CAPZA1: variants seen among roughly 807,000 people sequenced by gnomAD.
CAPZA1 encodes F-actin-capping protein subunit alpha-1.
Under a neutral mutation model 40.8 loss-of-function variants are expected in CAPZA1, and 10 were observed. The ratio of observed to expected loss-of-function variants is 0.25; its 90% CI spans 0.15 to 0.42. The LOEUF (loss-of-function observed/expected upper bound fraction) is 0.42. Among genes scored for constraint, CAPZA1 ranks in the 10% least tolerant of loss-of-function variants. The pLI is 1.00. For synonymous variants in CAPZA1, 98 were observed against 115.0 expected (o/e 0.85, Z 0.95); for missense variants, 277 against 353.8 (o/e 0.78, Z 1.74).
rs1671341853 is a variant in CAPZA1, at chr1:112,649,332, C to T, written c.104-86C>T. 4 of 958,286 alleles carry T rather than the reference C, an allele frequency of 4.2e-6. No individual in the cohort carries two copies. In the East Asian group the frequency reaches 9.6e-5, roughly 23 times the overall value. 59.4% of individuals were successfully genotyped at this position (958,286 alleles called of 1,614,324 possible). ...CACCTGAAGACTAATTTTACAAAGC[C>T]TGACATTTAAAAATTCAATCTAGAA... On this transcript the variant is annotated intron_variant, in intron 2 of 9. Coordinates refer to ENST00000263168, the MANE Select transcript of CAPZA1 (RefSeq NM_006135.3).
In CAPZA1 at chr1:112,642,753, G is replaced by A. The variant is rs916773546; in HGVS notation, c.40-4457G>A. ...AGTTCATCTTCTATCGAAACAAACT[G>A]CTGTTCTTTCATTTGTACCAATTCC... On this transcript the variant is annotated intron_variant, in intron 1 of 9. Coordinates refer to ENST00000263168, the MANE Select transcript of CAPZA1 (RefSeq NM_006135.3). Among the ~76,000 whole-genome samples the A allele has an allele frequency of 3.9e-5, 6 of 152,224 alleles. No homozygotes were observed. The South Asian group carries it at 8.3e-4, about 21-fold the overall frequency.
intron 1 of CAPZA1, among the ~76,000 whole-genome samples, chr1:112,645,797 C>A (rs6690292): frequency 6.7e-6 from 1 of 148,252 alleles, no homozygotes; most frequent in East Asian, 2.0e-4. Context: ...AAAAATTGAA[C>A]AGTCAAAATA....
At chr1:112,620,024 C>T (rs779097887) in intron 1 of CAPZA1, 141 bp downstream of exon 1, 81 of 658,400 alleles carry the variant, frequency 1.2e-4, no homozygotes, top group Non-Finnish European at 2.0e-4. Flanking sequence ...GCAGTCGGGA[C>T]GCTTCCCTCT....
At chr1:112,624,865 C>T (rs1401332143) in intron 1 of CAPZA1, among the ~76,000 whole-genome samples, 2 of 152,066 alleles carry the variant, frequency 1.3e-5, no homozygotes, top group African/African-American at 2.4e-5. Flanking sequence ...AAAATTGAAA[C>T]ACAAAAATGT....
In CAPZA1 at chr1:112,656,466, T is replaced by TTTTTTTTTTTTTTTTTTTC. The variant is rs1553180448; in HGVS notation, c.426+1795_426+1796insTTTTTTTTTTTTTTTTTTC. ...TTTTTTTTTTTTTTTTTTTTTTTTT[T>TTTTTTTTTTTTTTTTTTTC]AATGAGAATACCCATTATGGTGGAC... is the stretch of plus-strand genomic sequence containing the variant. On this transcript the variant is annotated intron_variant, in intron 5 of 9. Transcript: ENST00000263168. 6.4e-5 allele frequency among the ~76,000 whole-genome samples: 6 copies of TTTTTTTTTTTTTTTTTTTC among 94,410 alleles called. 1 individual carries two copies. Among genetic ancestry groups the TTTTTTTTTTTTTTTTTTTC allele is most frequent in the East Asian group, 5.6e-4 (2 of 3,552 alleles). The allele number at this position is 94,410 out of a possible 152,430, so 61.9% of individuals were successfully genotyped here.
intron 1 of CAPZA1, among the ~76,000 whole-genome samples, chr1:112,633,431 A>T (rs1670959571): frequency 6.6e-6 from 1 of 151,670 alleles, no homozygotes; most frequent in Non-Finnish European, 1.5e-5. Context: ...CCTTCTTTTT[A>T]AAAGCTGTAT....
At chr1:112,660,297 G>A (rs1671580117) in intron 7 of CAPZA1, among the ~76,000 whole-genome samples, 1 of 152,008 alleles carries the variant, frequency 6.6e-6, no homozygotes, top group Non-Finnish European at 1.5e-5. Flanking sequence ...ATTGATTTTT[G>A]AGATGGAGTT....
rs1397346554 is a variant in CAPZA1, at chr1:112,625,691, T to C, written c.39+5808T>C. Among the ~76,000 whole-genome samples, 5 of 152,194 alleles carry C rather than the reference T, an allele frequency of 3.3e-5. 1 individual carries two copies. Among genetic ancestry groups the C allele is most frequent in the African/African-American group, 1.2e-4 (5 of 41,456 alleles). ...CTTGCCTTGACCCAGAAACATTGTG[T>C]TCACAGGACTTTCAGCTTCCCACCC... On this transcript the variant is annotated intron_variant, in intron 1 of 9. Transcript: ENST00000263168.
At chr1:112,652,154 TACAGTAA>T (rs1671401721) in intron 3 of CAPZA1, among the ~76,000 whole-genome samples, 1 of 148,730 alleles carries the variant, frequency 6.7e-6, no homozygotes, top group African/African-American at 2.5e-5. Context: ...ACACAAAGTA[TACAGTAA>T]CAACTTTTAA....
rs2101195609 is a variant in CAPZA1 at position 112,669,581 on chromosome 1, A to G, written c.696A>G (p.Ile232Met). ...AQTAKEFIKI[I>M]ENAENEYQTA... ...CTGCCAAGGAGTTTATTAAAATCAT[A>G]GAGAATGCAGAAAATGAGTATCAGG... Residue 232 changes from isoleucine to methionine, a missense_variant, in exon 9 of 10, where the codon ATA (isoleucine) becomes ATG (methionine). Around this residue, in one of 2 missense-constraint regions of CAPZA1, gnomAD observed 192 missense variants for 277.2 expected, o/e 0.69. Coordinates refer to ENST00000263168, the MANE Select transcript of CAPZA1 (RefSeq NM_006135.3). The G allele has an allele frequency of 6.2e-7, 1 of 1,608,532 alleles. No individual in the cohort carries two copies. Among genetic ancestry groups the G allele is most frequent in the Non-Finnish European group, 8.5e-7 (1 of 1,175,418 alleles).
At chr1:112,666,643 A>T (rs948382144) in intron 7 of CAPZA1, among the ~76,000 whole-genome samples, 1 of 152,198 alleles carries the variant, frequency 6.6e-6, no homozygotes, top group Admixed American at 6.5e-5. Flanking sequence ...GCTTACCAAC[A>T]TTGATGATAA....
rs576097770 is a variant in CAPZA1, at chr1:112,660,062, T to A, written c.585+283T>A. On this transcript the variant is annotated intron_variant, in intron 7 of 9. Coordinates refer to ENST00000263168, the MANE Select transcript of CAPZA1 (RefSeq NM_006135.3). ...TATCAAACAGCAGTTTTAGGAAAGA[T>A]TTAAAATTAATAATAATAATAATTA... Among the ~76,000 whole-genome samples, 11 of 152,004 alleles carry A rather than the reference T, an allele frequency of 7.2e-5. No homozygotes were observed. In the South Asian group the frequency reaches 2.1e-3, roughly 29 times the overall value.
At chr1:112,660,156 G>A (rs144157470) in intron 7 of CAPZA1, among the ~76,000 whole-genome samples, 18 of 151,954 alleles carry the variant, frequency 1.2e-4, no homozygotes, top group African/African-American at 4.1e-4. Flanking sequence ...TCAGCTAACT[G>A]CAACCTCCAC....
intron 1 of CAPZA1, among the ~76,000 whole-genome samples, chr1:112,621,183 T>C (rs770629443): frequency 6.6e-6 from 1 of 152,250 alleles, no homozygotes; most frequent in Non-Finnish European, 1.5e-5. Flanking sequence ...AAAACATTTA[T>C]GTATAAGCCT....
At chr1:112,657,574 TGC>T in intron 5 of CAPZA1, among the ~76,000 whole-genome samples, 1 of 152,120 alleles carries the variant, frequency 6.6e-6, no homozygotes, top group African/African-American at 2.4e-5. Context: ...TTACTTAGGC[TGC>T]TGTCAGCAAC....
intron 1 of CAPZA1, among the ~76,000 whole-genome samples, chr1:112,644,180 C>T (rs1332681635): frequency 1.2e-5 from 1 of 86,034 alleles, no homozygotes; most frequent in Non-Finnish European, 2.3e-5. Flanking sequence ...TTCTCTTCTC[C>T]CAGCTTTTTT....
At chr1:112,658,388 A>G (rs1009487843) in intron 5 of CAPZA1, among the ~76,000 whole-genome samples, 3 of 152,138 alleles carry the variant, frequency 2.0e-5, no homozygotes, top group Admixed American at 1.3e-4. Flanking sequence ...TTGTACTTCT[A>G]CATTCTGTGT....
intron 2 of CAPZA1, among the ~76,000 whole-genome samples, chr1:112,648,779 A>G (rs530328148): frequency 2.0e-5 from 3 of 147,600 alleles, no homozygotes; most frequent in African/African-American, 7.4e-5. Context: ...CCTGACCAAC[A>G]TGGTGAAACC....
At chr1:112,665,488 G>C (rs182070265) in intron 7 of CAPZA1, among the ~76,000 whole-genome samples, 145 of 152,156 alleles carry the variant, frequency 9.5e-4, no homozygotes, top group Non-Finnish European at 1.7e-3. Context: ...CCTTGTTTCA[G>C]CTATTATAAC....
Sources: gnomAD v4.1 joint callset for allele counts (sites outside exome capture counted in the v4.1 genomes callset) on GRCh38, gnomAD v4.1.1 for gene constraint, gnomAD v4.1.1 regional missense constraint, MANE v1.5 for transcripts, NCBI Gene and HGNC (gene_info 2026-07-23, HGNC 2026-07-21) for gene names.